The following PDHB variants were observed in gnomAD, a reference collection of about 807,000 sequenced individuals.
PDHB encodes the protein pyruvate dehydrogenase E1 component subunit beta, mitochondrial.
In PDHB, 17 loss-of-function variants were observed where a neutral mutation model predicts 42.8. The ratio of observed to expected loss-of-function variants is 0.40; its 90% CI spans 0.27 to 0.60. The LOEUF is 0.60. Ranked by LOEUF, PDHB falls within the 20% of genes least tolerant of loss-of-function variation. The probability of loss-of-function intolerance (pLI) is 0.46; values close to 1 mark genes in which losing one functional copy is unlikely to be tolerated. For synonymous variants in PDHB, 154 were observed against 148.7 expected (o/e 1.04, Z -0.26); for missense variants, 322 against 451.3 (o/e 0.71, Z 2.60).
chr3:58,428,580 A>G lies in PDHB; in HGVS notation c.827T>C (p.Met276Thr). 1 of 1,613,818 alleles carries G rather than the reference A, an allele frequency of 6.2e-7. No homozygotes were observed. Among genetic ancestry groups the G allele is most frequent in the Non-Finnish European group, 8.5e-7 (1 of 1,179,658 alleles). ...INMRTIRPMD[M>T]ETIEASVMKT... Reference sequence around the variant, plus strand: ...CATGACACTGGCTTCTATGGTTTCCATGTCCATTGGTCTAATGGTACGCAT... The same window carrying G: ...CATGACACTGGCTTCTATGGTTTCCGTGTCCATTGGTCTAATGGTACGCAT... Residue 276 changes from methionine (M) to threonine (T), a missense_variant, in exon 9 of 10, where the codon ATG (methionine) becomes ACG (threonine). Met to Thr is a moderately conservative substitution (Grantham distance 81, BLOSUM62 -1). Transcript: ENST00000302746.
chr3:58,428,256 AC>A, intron 9 of PDHB, 77 bp from the exon 10 acceptor site: 1 of 1,401,912 alleles, frequency 7.1e-7, no homozygotes, highest in Non-Finnish European at 1.0e-6. Context: ...GGTGTGGCTG[AC>A]CAGGAAGAGA....
In PDHB at chr3:58,428,605, T is replaced by C. The variant is rs2062893787; in HGVS notation, c.802A>G (p.Met268Val). ...ATGTCCATTGGTCTAATGGTACGCA[T>C]ATTTATCACCTAAACAGGTAATATA... is the stretch of plus-strand genomic sequence containing the variant. ...KEGVECEVINMRTIRPMDMET... is the reference protein window; with the variant it reads ...KEGVECEVINVRTIRPMDMET... The change falls in exon 9 of 10, where the codon ATG (methionine) becomes GTG (valine). Residue 268 changes from methionine (M) to valine (V), a missense_variant. This residue lies in a region of PDHB where 208 missense variants were observed against 285.0 expected (regional missense o/e 0.73). Transcript: ENST00000302746. The C allele has an allele frequency of 1.2e-6, 2 of 1,612,944 alleles. No individual in the cohort carries two copies. Among genetic ancestry groups the C allele is most frequent in the Non-Finnish European group, 1.7e-6 (2 of 1,178,938 alleles).
intron 9 of PDHB, 112 bp from the exon 10 acceptor site, chr3:58,428,291 G>C (rs2062890813): frequency 1.6e-6 from 2 of 1,217,002 alleles, no homozygotes; most frequent in Non-Finnish European, 1.2e-6. Flanking sequence ...GCTAATTATG[G>C]GGAACCGCTT....
intron 8 of PDHB, chr3:58,428,895 T>C (rs1467342624): frequency 7.2e-6 from 3 of 419,018 alleles, no homozygotes; most frequent in African/African-American, 2.0e-5. Context: ...GCTCTTGTTG[T>C]CCAGGCTGGA....
Position 58,431,188 on chromosome 3 carries a change from G to A in PDHB, c.304-246C>T, listed in dbSNP as rs1229411818. ...CCCGAGTAGCTGGGACTGCAGGCAA[G>A]CACCACCACATCTACCTACTTGGTA... On this transcript the variant is annotated intron_variant, in intron 5 of 9. Transcript: ENST00000302746. The surrounding 1 kb of genome is among the most constrained non-coding windows in gnomAD (Gnocchi z 4.4). The A allele has an allele frequency of 1.8e-6, 1 of 556,692 alleles. No homozygotes were observed. Among genetic ancestry groups the A allele is most frequent in the Non-Finnish European group, 3.2e-6 (1 of 313,122 alleles). 34.5% of individuals were successfully genotyped at this position (556,692 alleles called of 1,614,324 possible).
chr3:58,429,670 C>T, intron 8 of PDHB, 38 bp downstream of exon 8: 1 of 1,218,558 alleles, frequency 8.2e-7, no homozygotes, highest in East Asian at 2.3e-5. Context: ...TAAAAGGAGC[C>T]CTTCTAATTC....
chr3:58,433,360 C>T, intron 2 of PDHB: 1 of 592,300 alleles, frequency 1.7e-6, no homozygotes, highest in South Asian at 2.0e-5. Flanking sequence ...GTCTATTTTG[C>T]TGCAATTTAA....
chr3:58,431,540 A>G lies in PDHB; in HGVS notation c.303+53T>C, dbSNP rs2062920604. ...AGTGAGACTCTGTCTCAAAAGAAAA[A>G]AAAAGAAAACAAGAAATGTCTTTGG... is the stretch of plus-strand genomic sequence containing the variant. On this transcript the variant is annotated intron_variant, in intron 5 of 9. Transcript: ENST00000302746. This position sits in a 1 kb window ranked among gnomAD's most constrained non-coding sequence, Gnocchi z 4.4. The G allele has an allele frequency of 1.4e-6, 2 of 1,453,844 alleles. No homozygotes were observed. Among genetic ancestry groups the G allele is most frequent in the Non-Finnish European group, 1.9e-6 (2 of 1,036,320 alleles). The allele number at this position is 1,453,844 out of a possible 1,614,324, so 90.1% of individuals were successfully genotyped here.
chr3:58,431,567 T>TCA lies in PDHB; in HGVS notation c.303+25_303+26insTG, dbSNP rs748919533. The TCA allele has an allele frequency of 2.2e-5, 35 of 1,558,270 alleles. No individual in the cohort carries two copies. The South Asian group carries it at 3.7e-4, about 16-fold the overall frequency. ...AAAGAAAACAAGAAATGTCTTTGGA[T>TCA]AAGTTTCATAAAGAGTATTACATAC... is the stretch of plus-strand genomic sequence containing the variant. On this transcript the variant is annotated intron_variant, in intron 5 of 9. Transcript: ENST00000302746. This position sits in a 1 kb window ranked among gnomAD's most constrained non-coding sequence, Gnocchi z 4.4.
chr3:58,429,767 G>A lies in PDHB; in HGVS notation c.733C>T (p.Pro245Ser), dbSNP rs1435265181. Residue 245 changes from proline (P) to serine (S), a missense_variant, in exon 8 of 10, where the codon CCT (proline) becomes TCT (serine). This residue lies in a region of PDHB where 208 missense variants were observed against 285.0 expected (regional missense o/e 0.73). Coordinates refer to ENST00000302746, the MANE Select transcript of PDHB (RefSeq NM_000925.4). Reference protein sequence around the residue: ...THITVVSHSRPVGHCLEAAAV... With the variant: ...THITVVSHSRSVGHCLEAAAV... The stretch of plus-strand genomic sequence containing the variant: ...GCAGCTTCTAAGCAGTGGCCCACAG[G>A]TCTTGAATGGGAAACCACAGTTATA... 2 of 1,611,980 alleles carry A rather than the reference G, an allele frequency of 1.2e-6. No individual in the cohort carries two copies.
At position 58,433,289 on chromosome 3, in the gene PDHB, C is replaced by T. The variant is rs1264018461; in HGVS notation, c.96+342G>A. 1.1e-5 allele frequency: 5 copies of T among 465,576 alleles called. No individual in the cohort carries two copies. The East Asian group carries it at 1.2e-4, about 11-fold the overall frequency. The allele number at this position is 465,576 out of a possible 1,614,324, so 28.8% of individuals were successfully genotyped here. A position where few individuals can be genotyped will look rare whatever the true frequency, so the allele number is the denominator to read the frequency against. ...TGGATGGTGGTTAATGGTTGTACAACATGGTGAATGTACTTAATGCCACTG... is the reference window on the plus strand; with the variant it reads ...TGGATGGTGGTTAATGGTTGTACAATATGGTGAATGTACTTAATGCCACTG... On this transcript the variant is annotated intron_variant, in intron 2 of 9. Transcript: ENST00000302746.
At position 58,431,615 on chromosome 3, in the gene PDHB, C is replaced by T. The variant is rs11542401; in HGVS notation, c.281G>A (p.Gly94Glu). Residue 94 changes from glycine to glutamate, a missense_variant, in exon 5 of 10, where the codon GGA (glycine) becomes GAA (glutamate). This residue lies in a region of PDHB where 56 missense variants were observed against 124.2 expected (regional missense o/e 0.45). Transcript: ENST00000302746. This position sits in a 1 kb window ranked among gnomAD's most constrained non-coding sequence, Gnocchi z 4.4. ...TACCATAGCTGCACCTACAGCAATT[C>T]CAGCAAAGCCCATCTATAAAGTAAA... is the stretch of plus-strand genomic sequence containing the variant. ...DTPISEMGFA[G>E]IAVGAAMAGL... 1 of 1,607,180 alleles carries T rather than the reference C, an allele frequency of 6.2e-7. No homozygotes were observed. Among genetic ancestry groups the T allele is most frequent in the Non-Finnish European group, 8.5e-7 (1 of 1,174,892 alleles).
chr3:58,433,825 T>C lies in PDHB; in HGVS notation c.-16A>G. On this transcript the variant is annotated 5_prime_UTR_variant, in exon 1 of 10. The change creates a new upstream start codon in the 5' untranslated region. Coordinates refer to ENST00000302746, the MANE Select transcript of PDHB (RefSeq NM_000925.4). ...CCGCCGCCATCTTGGTCGTGTCCTC[T>C]ATCCGCTGCCAAACGACAACAGAGG... 6.2e-7 allele frequency: 1 copy of C among 1,608,536 alleles called. No homozygotes were observed. The highest frequency in any genetic ancestry group is 8.5e-7 in the Non-Finnish European group (1 of 1,178,234).
In PDHB at chr3:58,430,870, A is replaced by G. The variant is rs2062913755; in HGVS notation, c.376T>C (p.Ser126Pro). The G allele has an allele frequency of 6.2e-7, 1 of 1,614,080 alleles. No homozygotes were observed. The highest frequency in any genetic ancestry group is 2.2e-5 in the East Asian group (1 of 44,906). Reference sequence around the variant, plus strand: ...GACATGTAGTAGGTCTTGGCAGCTGAGTTTATAACCTGGTCAATGGCTTGC... The same window carrying G: ...GACATGTAGTAGGTCTTGGCAGCTGGGTTTATAACCTGGTCAATGGCTTGC... ...SMQAIDQVIN[S>P]AAKTYYMSGG... Residue 126 changes from serine (S) to proline (P), a missense_variant, in exon 6 of 10, where the codon TCA (serine) becomes CCA (proline). Around this residue, in one of 3 missense-constraint regions of PDHB, gnomAD observed 56 missense variants for 124.2 expected, o/e 0.45. Coordinates refer to ENST00000302746, the MANE Select transcript of PDHB (RefSeq NM_000925.4).
rs777401294 is a variant in PDHB at position 58,427,883 on chromosome 3, A to G, written c.*151T>C. 1.4e-6 allele frequency: 1 copy of G among 700,078 alleles called. No homozygotes were observed. The highest frequency in any genetic ancestry group is 1.7e-5 in the African/African-American group (1 of 57,144). The allele number at this position is 700,078 out of a possible 1,614,324, so 43.4% of individuals were successfully genotyped here. The stretch of plus-strand genomic sequence containing the variant: ...GGAGAGTGGAGAGTTTTCCATACAC[A>G]AACACATTTAAACTTCCCTGTACAA... On this transcript the variant is annotated 3_prime_UTR_variant, in exon 10 of 10. Coordinates refer to ENST00000302746, the MANE Select transcript of PDHB (RefSeq NM_000925.4).
At chr3:58,428,717 C>A in intron 8 of PDHB, 103 bp from the exon 9 acceptor site, 1 of 1,038,638 alleles carries the variant, frequency 9.6e-7, no homozygotes, top group Non-Finnish European at 1.5e-6. Context: ...ATCTTTGTAT[C>A]TAGGAAAATC....
intron 2 of PDHB, 54 bp downstream of exon 2, chr3:58,433,577 G>C (rs2062942649): frequency 6.4e-7 from 1 of 1,557,664 alleles, no homozygotes; most frequent in Non-Finnish European, 8.7e-7. Flanking sequence ...CCTCCTTCCC[G>C]AGAGAAGGGG....
intron 8 of PDHB, among the ~76,000 whole-genome samples, chr3:58,429,185 C>T (rs764484580): frequency 6.6e-6 from 1 of 152,210 alleles, no homozygotes; most frequent in Non-Finnish European, 1.5e-5. Flanking sequence ...ATGTACCAAG[C>T]ACTACACTAA....
chr3:58,428,022 T>C lies in PDHB; in HGVS notation c.*12A>G. The C allele has an allele frequency of 6.3e-7, 1 of 1,581,124 alleles. No homozygotes were observed. Among genetic ancestry groups the C allele is most frequent in the Non-Finnish European group, 8.7e-7 (1 of 1,150,176 alleles). ...TCAAATAAATTTCAACGACTTGATA[T>C]TCAAGTCCAAACTAAATATTTAATG... is the stretch of plus-strand genomic sequence containing the variant. On this transcript the variant is annotated 3_prime_UTR_variant, in exon 10 of 10. Transcript: ENST00000302746.
Sources: gnomAD v4.1 joint callset for allele counts (sites outside exome capture counted in the v4.1 genomes callset) on GRCh38, gnomAD v4.1.1 for gene constraint, gnomAD v4.1.1 regional missense constraint, Gnocchi (gnomAD v3.1) non-coding constraint, MANE v1.5 for transcripts, NCBI Gene and HGNC (gene_info 2026-07-23, HGNC 2026-07-21) for gene names.